The following TRDN variants were observed in gnomAD, a reference collection of about 807,000 sequenced individuals.
TRDN encodes the protein triadin.
In TRDN, 161 loss-of-function variants were observed where a neutral mutation model predicts 149.7. That is an observed-to-expected ratio of 1.08 (90% confidence interval 0.95 to 1.23). TRDN has a LOEUF of 1.23. Ranked by LOEUF, TRDN falls within the 50% of genes most tolerant of loss-of-function variation. The pLI is 0.00. For synonymous variants in TRDN, 294 were observed against 250.5 expected (o/e 1.17, Z -1.64); for missense variants, 896 against 823.5 (o/e 1.09, Z -1.08).
intron 38 of TRDN, among the ~76,000 whole-genome samples, chr6:123,248,663 A>C (rs1273453499): frequency 3.3e-5 from 5 of 152,176 alleles, no homozygotes; most frequent in Admixed American, 3.3e-4. Flanking sequence ...AAACTCACCA[A>C]GATCGAATCA....
intron 21 of TRDN, among the ~76,000 whole-genome samples, chr6:123,339,010 T>C (rs9490735): frequency 6.6e-6 from 1 of 150,940 alleles, no homozygotes; most frequent in Non-Finnish European, 1.5e-5. Context: ...GTATTAGGGG[T>C]TTTTTTTTGT....
chr6:123,329,469 T>C lies in TRDN; in HGVS notation c.1471+2410A>G, dbSNP rs563185673. On this transcript the variant is annotated intron_variant, in intron 23 of 40. Transcript: ENST00000334268. ...ACTAAAGATTTATTTGAGATGTGAC[T>C]GTTCCAATATGTGTGAGATGGTGGT... Among the ~76,000 whole-genome samples the C allele has an allele frequency of 2.0e-5, 3 of 152,278 alleles. No individual in the cohort carries two copies. The South Asian group carries it at 6.2e-4, about 32-fold the overall frequency.
At chr6:123,228,246 G>A (rs1775462725) in intron 38 of TRDN, among the ~76,000 whole-genome samples, 1 of 151,904 alleles carries the variant, frequency 6.6e-6, no homozygotes, top group South Asian at 2.1e-4. Context: ...AGAGCTATAA[G>A]AAGTGAAAGA....
chr6:123,630,599 GAA>G (rs138913219), intron 1 of TRDN, among the ~76,000 whole-genome samples: 10 of 151,038 alleles, frequency 6.6e-5, no homozygotes, highest in African/African-American at 2.4e-4. Flanking sequence ...AAATAAATAG[GAA>G]AAAAAATAAG....
chr6:123,403,145 T>C (rs1773050556), intron 12 of TRDN, among the ~76,000 whole-genome samples: 1 of 152,134 alleles, frequency 6.6e-6, no homozygotes, highest in African/African-American at 2.4e-5. Flanking sequence ...ATATATTAGT[T>C]AATAATCTAT....
intron 12 of TRDN, among the ~76,000 whole-genome samples, chr6:123,425,501 G>C (rs1404956734): frequency 2.0e-5 from 3 of 152,036 alleles, no homozygotes; most frequent in Admixed American, 6.6e-5. Context: ...AGTGAGGATA[G>C]AGAAAGAGAG....
chr6:123,471,887 T>C (rs1169170972), intron 9 of TRDN: 1 of 152,226 alleles, frequency 6.6e-6, no homozygotes, highest in African/African-American at 2.4e-5. Context: ...CCTTGTACCC[T>C]GTCTGTGACA....
At chr6:123,266,390 T>A (rs1172265927) in intron 32 of TRDN, among the ~76,000 whole-genome samples, 2 of 108,476 alleles carry the variant, frequency 1.8e-5, no homozygotes, top group African/African-American at 4.1e-5. Context: ...ATATATATAT[T>A]ATGATATGTA....
intron 24 of TRDN, among the ~76,000 whole-genome samples, chr6:123,299,483 A>G (rs1333676631): frequency 6.6e-6 from 1 of 152,068 alleles, no homozygotes; most frequent in Non-Finnish European, 1.5e-5. Context: ...ACTCAAATAA[A>G]TAGTCCTGTT....
intron 10 of TRDN, chr6:123,463,019 G>A (rs1262604574): frequency 1.3e-5 from 2 of 152,064 alleles, no homozygotes; most frequent in Non-Finnish European, 2.9e-5. Flanking sequence ...CTATTACTAG[G>A]TTCTGGGATG....
At chr6:123,495,024 T>G (rs62420492) in intron 9 of TRDN, among the ~76,000 whole-genome samples, 15,306 of 151,640 alleles carry the variant, frequency 0.1, 1,020 homozygotes, top group South Asian at 0.22. Flanking sequence ...ATGACCCACC[T>G]GGCCCGGCCA....
intron 26 of TRDN, among the ~76,000 whole-genome samples, chr6:123,277,306 T>A (rs1293863753): frequency 6.6e-6 from 1 of 152,152 alleles, no homozygotes; most frequent in Non-Finnish European, 1.5e-5. Flanking sequence ...TTAGGACTTT[T>A]AGAAATGTTG....
intron 2 of TRDN, among the ~76,000 whole-genome samples, chr6:123,556,631 CTCTTCCTCTTCTTCT>C (rs1781675503): frequency 6.6e-6 from 1 of 150,476 alleles, no homozygotes; most frequent in South Asian, 2.1e-4. Flanking sequence ...CCTCCTATTC[CTCTTCCTCTTCTTCT>C]TCTTCCTCTT....
At chr6:123,592,285 T>G (rs529826862) in intron 1 of TRDN, among the ~76,000 whole-genome samples, 1 of 152,314 alleles carries the variant, frequency 6.6e-6, no homozygotes, top group South Asian at 2.1e-4. Flanking sequence ...GCTTAACATT[T>G]CAGTTTTTAC....
intron 1 of TRDN, among the ~76,000 whole-genome samples, chr6:123,588,499 C>T (rs938432892): frequency 2.0e-5 from 3 of 152,100 alleles, no homozygotes; most frequent in Non-Finnish European, 4.4e-5. Context: ...GAGGAAGGAG[C>T]CATTCAGTAA....
At chr6:123,298,081 AC>A (rs1778268982) in intron 24 of TRDN, among the ~76,000 whole-genome samples, 1 of 152,186 alleles carries the variant, frequency 6.6e-6, no homozygotes. Context: ...AAACAAAAAA[AC>A]AAATTTGAGC....
At chr6:123,405,359 T>A (rs1773152658) in intron 12 of TRDN, among the ~76,000 whole-genome samples, 1 of 152,232 alleles carries the variant, frequency 6.6e-6, no homozygotes, top group African/African-American at 2.4e-5. Context: ...TTACAGCTAC[T>A]AGGCTTTCCA....
At chr6:123,373,046 G>A (rs1043599649) in intron 19 of TRDN, among the ~76,000 whole-genome samples, 1 of 152,138 alleles carries the variant, frequency 6.6e-6, no homozygotes, top group Non-Finnish European at 1.5e-5. Flanking sequence ...GAAGCATGGA[G>A]TGCTCTTCTT....
At chr6:123,626,306 AC>A (rs2114726837) in intron 1 of TRDN, among the ~76,000 whole-genome samples, 1 of 152,152 alleles carries the variant, frequency 6.6e-6, no homozygotes, top group Admixed American at 6.5e-5. Flanking sequence ...ACATGGTGAA[AC>A]CCCGTCTCTA....
Sources: allele counts gnomAD v4.1 joint callset (sites outside exome capture counted in the v4.1 genomes callset), GRCh38; gene constraint gnomAD v4.1.1; transcripts MANE v1.5; gene names NCBI Gene and HGNC (gene_info 2026-07-23, HGNC 2026-07-21).